PDE7B: variants seen among roughly 807,000 people sequenced by gnomAD.
The protein encoded by PDE7B is phosphodiesterase 7B, also known as 3',5'-cyclic-AMP phosphodiesterase 7B.
In PDE7B, 29 loss-of-function variants were observed where a neutral mutation model predicts 56.2. The observed-to-expected ratio is 0.52, with a 90% CI of 0.38 to 0.70. PDE7B has a LOEUF of 0.70. PDE7B is among the 30% of genes least tolerant of loss of function. The probability of loss-of-function intolerance (pLI) is 0.00; values close to 1 mark genes in which losing one functional copy is unlikely to be tolerated. For synonymous variants in PDE7B, 197 were observed against 196.9 expected, an observed-to-expected ratio of 1.00 and a Z score of 0.00; for missense variants, 490 against 565.0, an observed-to-expected ratio of 0.87 and a Z score of 1.35.
rs187104350 is a variant in PDE7B, at chr6:136,005,524, C to T, written c.82+58000C>T. On this transcript the variant is annotated intron_variant, in intron 2 of 12. Transcript: ENST00000308191. ...AATTTACAAGAAAAAGACAAACAACCCCATTGAAAAGTGGGTGAAGGACAC... is the reference window on the plus strand; with the variant it reads ...AATTTACAAGAAAAAGACAAACAACTCCATTGAAAAGTGGGTGAAGGACAC... Among the ~76,000 whole-genome samples, 13 of 152,262 alleles carry T rather than the reference C, an allele frequency of 8.5e-5. No individual in the cohort carries two copies. In the East Asian group the frequency reaches 2.5e-3, roughly 29 times the overall value.
chr6:136,032,419 C>T (rs1776259270), intron 2 of PDE7B, among the ~76,000 whole-genome samples: 1 of 152,194 alleles, frequency 6.6e-6, no homozygotes, highest in African/African-American at 2.4e-5. Flanking sequence ...GCTTTTATCC[C>T]TCCAAAATGC....
At chr6:135,915,178 A>C (rs1776280452) in intron 1 of PDE7B, among the ~76,000 whole-genome samples, 1 of 152,128 alleles carries the variant, frequency 6.6e-6, no homozygotes, top group South Asian at 2.1e-4. Flanking sequence ...TGTATACCAA[A>C]ATTTAACTGC....
At chr6:136,155,537 G>A in intron 7 of PDE7B, 90 bp from the exon 8 acceptor site, 1 of 1,068,286 alleles carries the variant, frequency 9.4e-7, no homozygotes, top group Non-Finnish European at 1.4e-6. Flanking sequence ...ACAATGCCAT[G>A]ATGATTCATT....
chr6:136,141,923 A>T (rs565652746), intron 3 of PDE7B, among the ~76,000 whole-genome samples: 1 of 132,442 alleles, frequency 7.6e-6, no homozygotes, highest in Non-Finnish European at 1.6e-5. Flanking sequence ...GGATTCATTG[A>T]TTTTTTGAAG....
At chr6:136,110,529 G>T (rs994879797) in intron 3 of PDE7B, among the ~76,000 whole-genome samples, 4 of 152,098 alleles carry the variant, frequency 2.6e-5, no homozygotes, top group African/African-American at 9.7e-5. Context: ...TTAGTTCATG[G>T]TTTCTAATAT....
At chr6:135,883,864 T>C (rs970724446) in intron 1 of PDE7B, among the ~76,000 whole-genome samples, 3 of 152,352 alleles carry the variant, frequency 2.0e-5, no homozygotes, top group African/African-American at 7.2e-5. Flanking sequence ...TGAAAGGAGC[T>C]GGCTTCTATT....
At chr6:136,175,221 A>G (rs186368488) in intron 9 of PDE7B, among the ~76,000 whole-genome samples, 165 of 152,364 alleles carry the variant, frequency 1.1e-3, no homozygotes, top group Non-Finnish European at 1.7e-3. Context: ...TTTTGCCAGA[A>G]GAATAATTGT....
intron 2 of PDE7B, among the ~76,000 whole-genome samples, chr6:136,082,062 A>G (rs1222535008): frequency 6.6e-6 from 1 of 152,108 alleles, no homozygotes; most frequent in Non-Finnish European, 1.5e-5. Flanking sequence ...GGAGGCCCAC[A>G]CTCTGAGAAG....
chr6:135,919,520 A>G (rs1399457796), intron 1 of PDE7B, among the ~76,000 whole-genome samples: 1 of 152,236 alleles, frequency 6.6e-6, no homozygotes, highest in Non-Finnish European at 1.5e-5. Flanking sequence ...TTCTCTCAAC[A>G]TGACAGTAGT....
At chr6:135,915,319 G>A (rs1350442235) in intron 1 of PDE7B, among the ~76,000 whole-genome samples, 1 of 152,168 alleles carries the variant, frequency 6.6e-6, no homozygotes, top group Non-Finnish European at 1.5e-5. Flanking sequence ...GAATTGCTGG[G>A]TCAGAGGGTG....
At chr6:136,156,081 G>GT in intron 8 of PDE7B, 1 of 397,200 alleles carries the variant, frequency 2.5e-6, no homozygotes, top group Non-Finnish European at 4.9e-6. Context: ...GTGAGCCGCT[G>GT]TTTTTCTTTT....
At chr6:136,020,389 G>A (rs1328809103) in intron 2 of PDE7B, among the ~76,000 whole-genome samples, 1 of 152,124 alleles carries the variant, frequency 6.6e-6, no homozygotes, top group African/African-American at 2.4e-5. Context: ...ATATATGTGT[G>A]TATCTGCATA....
chr6:136,066,759 A>G (rs973384865), intron 2 of PDE7B, among the ~76,000 whole-genome samples: 4 of 152,184 alleles, frequency 2.6e-5, no homozygotes, highest in African/African-American at 9.7e-5. Flanking sequence ...GAAGAAATGG[A>G]GAGACAGAGC....
intron 1 of PDE7B, among the ~76,000 whole-genome samples, chr6:135,883,258 G>T (rs1422709461): frequency 2.6e-5 from 4 of 152,094 alleles, no homozygotes; most frequent in Admixed American, 2.6e-4. Context: ...ACATACACTA[G>T]GTGTCCTAAC....
At chr6:135,917,348 T>A (rs534863671) in intron 1 of PDE7B, among the ~76,000 whole-genome samples, 1 of 152,262 alleles carries the variant, frequency 6.6e-6, no homozygotes, top group South Asian at 2.1e-4. Context: ...ACGTCACTTA[T>A]TTTTTTCTTC....
intron 2 of PDE7B, among the ~76,000 whole-genome samples, chr6:136,006,105 A>T (rs1562467053): frequency 6.6e-6 from 1 of 150,626 alleles, no homozygotes; most frequent in Non-Finnish European, 1.5e-5. Flanking sequence ...TATCACAAGG[A>T]CAAAAAACCA....
intron 2 of PDE7B, among the ~76,000 whole-genome samples, chr6:135,997,664 A>G (rs942985696): frequency 9.2e-5 from 14 of 152,096 alleles, no homozygotes; most frequent in African/African-American, 3.4e-4. Context: ...TTTAATTATC[A>G]TAGAAGCATA....
At chr6:136,005,045 C>A (rs1329366667) in intron 2 of PDE7B, among the ~76,000 whole-genome samples, 3 of 152,038 alleles carry the variant, frequency 2.0e-5, no homozygotes, top group East Asian at 3.9e-4. Context: ...TCAGAAATAA[C>A]GCTGCATATC....
rs893172941 is a variant in PDE7B at position 135,877,436 on chromosome 6, T to C, written c.21+25417T>C. Among the ~76,000 whole-genome samples, 4 of 151,716 alleles carry C rather than the reference T, an allele frequency of 2.6e-5. No individual in the cohort carries two copies. The East Asian group carries it at 7.7e-4, about 29-fold the overall frequency. Reference sequence around the variant, plus strand: ...TCAGATTTGGGCTTTCAATTTTTTATGTGGGTTGCTATTTGTTTCCTTTTT... The same window carrying C: ...TCAGATTTGGGCTTTCAATTTTTTACGTGGGTTGCTATTTGTTTCCTTTTT... On this transcript the variant is annotated intron_variant, in intron 1 of 12. Transcript: ENST00000308191.
Sources: gnomAD v4.1 joint callset for allele counts (sites outside exome capture counted in the v4.1 genomes callset) on GRCh38, gnomAD v4.1.1 for gene constraint, MANE v1.5 for transcripts, NCBI Gene and HGNC (gene_info 2026-07-23, HGNC 2026-07-21) for gene names.